The following KIR3DL3 variants were observed in gnomAD, a reference collection of about 807,000 sequenced individuals.
KIR3DL3 encodes killer cell immunoglobulin-like receptor 3DL3.
In KIR3DL3, 27 loss-of-function variants were observed where a neutral mutation model predicts 34.9. The ratio of observed to expected loss-of-function variants is 0.77; its 90% CI spans 0.57 to 1.07. The LOEUF (loss-of-function observed/expected upper bound fraction) is 1.07. Among genes scored for constraint, KIR3DL3 ranks in the 50% least tolerant of loss-of-function variants. The pLI, the probability that KIR3DL3 is intolerant of heterozygous loss-of-function variation, is 0.00. For missense variants in KIR3DL3, 681 were observed against 528.5 expected, an observed-to-expected ratio of 1.29 and a Z score of -2.83; for synonymous variants, 217 against 200.2, an observed-to-expected ratio of 1.08 and a Z score of -0.71.
rs28504993 is a variant in KIR3DL3, at chr19:54,735,982, A to G, written c.1119A>G (p.Glu373=). ...TTCCCTCCCTCCAGGACTCTGATGA[A>G]CAAGACCCTCAGGAGGTGACATACG... ...NRTVNREDSD[E]QDPQEVTYAQ... Residue 373 remains glutamate (E), a synonymous_variant, in exon 8 of 8, where the codon GAA becomes GAG. Transcript: ENST00000291860. 2 of 1,612,694 alleles carry G rather than the reference A, an allele frequency of 1.2e-6. No individual in the cohort carries two copies. The highest frequency in any genetic ancestry group is 4.5e-5 in the East Asian group (2 of 44,860).
At chr19:54,731,576 T>C (rs1462336947) in intron 5 of KIR3DL3, among the ~76,000 whole-genome samples, 55 of 152,120 alleles carry the variant, frequency 3.6e-4, no homozygotes, top group African/African-American at 1.3e-3. Context: ...GAAAACATGT[T>C]TTTCTTAATT....
rs769023106 is a variant in KIR3DL3, at chr19:54,727,741, G to A, written c.486G>A (p.Glu162=). ...RFLLHREGIT[E]DPLRLVGQLH... ...TTCTGCACAGAGAGGGGATCACTGAGGACCCCTTGCGCCTCGTTGGACAGC... is the reference window on the plus strand; with the variant it reads ...TTCTGCACAGAGAGGGGATCACTGAAGACCCCTTGCGCCTCGTTGGACAGC... The change falls in exon 4 of 8, where the codon GAG becomes GAA. Residue 162 remains glutamate (E), a synonymous_variant. Transcript: ENST00000291860. The A allele has an allele frequency of 9.3e-6, 15 of 1,613,032 alleles. No individual in the cohort carries two copies. Among genetic ancestry groups the A allele is most frequent in the Admixed American group, 6.7e-5 (4 of 59,854 alleles).
intron 5 of KIR3DL3, 59 bp from the exon 6 acceptor site, chr19:54,735,194 C>A (rs2069346461): frequency 4.8e-6 from 6 of 1,257,470 alleles, no homozygotes; most frequent in South Asian, 3.6e-5. Context: ...AAATGTGAGA[C>A]AATTCATATA....
chr19:54,729,033 A>T (rs1568830188), intron 4 of KIR3DL3, among the ~76,000 whole-genome samples: 1 of 149,282 alleles, frequency 6.7e-6, no homozygotes, highest in Admixed American at 6.8e-5. Context: ...AGATGGATAG[A>T]TGCATACATA....
chr19:54,733,174 A>G (rs1370438379), intron 5 of KIR3DL3, among the ~76,000 whole-genome samples: 3 of 152,090 alleles, frequency 2.0e-5, no homozygotes, highest in South Asian at 2.1e-4. Flanking sequence ...CTACATCTAA[A>G]TCAATACCTG....
intron 5 of KIR3DL3, among the ~76,000 whole-genome samples, chr19:54,732,242 G>GTTTTTTTTT (rs2068885361): frequency 6.3e-5 from 8 of 127,532 alleles, no homozygotes; most frequent in African/African-American, 2.0e-4. Context: ...TTGTGTGTGT[G>GTTTTTTTTT]TGTGTTTTTT....
rs751569195 is a variant in KIR3DL3, at chr19:54,727,900, C to T, written c.645C>T (p.Ile215=). 4.3e-6 allele frequency: 7 copies of T among 1,609,566 alleles called. No individual in the cohort carries two copies. The African/African-American group carries it at 6.7e-5, about 15-fold the overall frequency. The change falls in exon 4 of 8, where the codon ATC becomes ATT. Residue 215 remains isoleucine (I), a synonymous_variant. Coordinates refer to ENST00000291860, the MANE Select transcript of KIR3DL3 (RefSeq NM_153443.5). ...ELSAPSDPLD[I]VVVGLYGKPS... ...CGGCTCCCAGTGACCCTCTGGACATCGTGGTCGTAGGTGAGAGAATACAGA... is the reference window on the plus strand; with the variant it reads ...CGGCTCCCAGTGACCCTCTGGACATTGTGGTCGTAGGTGAGAGAATACAGA...
Position 54,726,277 on chromosome 19 carries a change from C to T in KIR3DL3, c.295C>T (p.His99Tyr). Residue 99 changes from histidine (H) to tyrosine (Y), a missense_variant, in exon 3 of 8, where the codon CAC (histidine) becomes TAC (tyrosine). Coordinates refer to ENST00000291860, the MANE Select transcript of KIR3DL3 (RefSeq NM_153443.5). ...AGGGACCTACAGATGTTGCAGTTCA[C>T]ACCCACACTCCCCCACTGGGTGGTC... is the stretch of plus-strand genomic sequence containing the variant. ...HAGTYRCCSS[H>Y]PHSPTGWSAP... is the part of the protein sequence containing the mutation. 2.5e-6 allele frequency: 4 copies of T among 1,613,962 alleles called. No individual in the cohort carries two copies. Among genetic ancestry groups the T allele is most frequent in the Non-Finnish European group, 3.4e-6 (4 of 1,179,978 alleles).
chr19:54,733,443 A>G (rs1359372161), intron 5 of KIR3DL3, among the ~76,000 whole-genome samples: 5 of 152,178 alleles, frequency 3.3e-5, no homozygotes, highest in African/African-American at 1.2e-4. Flanking sequence ...GAAGCAGAAG[A>G]ATGGCTTCAA....
intron 5 of KIR3DL3, among the ~76,000 whole-genome samples, chr19:54,734,861 G>A (rs1383590999): frequency 7.9e-6 from 1 of 127,188 alleles, no homozygotes; most frequent in East Asian, 2.0e-4. Flanking sequence ...GGGAGCGATG[G>A]AGCTTCCAAG....
At position 54,729,652 on chromosome 19, in the gene KIR3DL3, T is replaced by C; in HGVS notation, c.815T>C (p.Val272Ala). The C allele has an allele frequency of 6.3e-7, 1 of 1,599,418 alleles. No individual in the cohort carries two copies. The highest frequency in any genetic ancestry group is 8.5e-7 in the Non-Finnish European group (1 of 1,176,024). The change falls in exon 5 of 8, where the codon GTC becomes GCC. Residue 272 changes from valine to alanine, a missense_variant. Coordinates refer to ENST00000291860, the MANE Select transcript of KIR3DL3 (RefSeq NM_153443.5). ...CTTAGGCTCACTGCAGTGCTGAGGGTCAATGGAACATTCCAGGCCAACTTC... is the reference window on the plus strand; with the variant it reads ...CTTAGGCTCACTGCAGTGCTGAGGGCCAATGGAACATTCCAGGCCAACTTC... ...GELRLTAVLR[V>A]NGTFQANFPL...
intron 4 of KIR3DL3, 63 bp downstream of exon 4, chr19:54,727,973 G>C (rs1244989543): frequency 4.7e-6 from 7 of 1,497,374 alleles, no homozygotes; most frequent in Non-Finnish European, 6.3e-6. Flanking sequence ...TCTAGGACTG[G>C]AAGCCCCAGG....
intron 2 of KIR3DL3, among the ~76,000 whole-genome samples, chr19:54,725,527 G>A (rs970966285): frequency 7.9e-5 from 12 of 152,152 alleles, no homozygotes; most frequent in Non-Finnish European, 1.6e-4. Flanking sequence ...AGTGCTCAAA[G>A]GAGTGGTGTG....
chr19:54,736,287 C>A lies in KIR3DL3; in HGVS notation c.*191C>A, dbSNP rs1315437822. The A allele has an allele frequency of 3.9e-6, 3 of 760,578 alleles. No homozygotes were observed. The East Asian group carries it at 7.3e-5, about 18-fold the overall frequency. The allele number at this position is 760,578 out of a possible 1,614,324, so 47.1% of individuals were successfully genotyped here. A position where few individuals can be genotyped will look rare whatever the true frequency, so the allele number is the denominator to read the frequency against. ...CTTAGGGCATCGCTCTTCCTCACAC[C>A]ACGAATCTGAACATGCCTCTCTCTT... On this transcript the variant is annotated 3_prime_UTR_variant, in exon 8 of 8. Coordinates refer to ENST00000291860, the MANE Select transcript of KIR3DL3 (RefSeq NM_153443.5).
At chr19:54,732,533 A>G (rs2068929693) in intron 5 of KIR3DL3, among the ~76,000 whole-genome samples, 1 of 152,216 alleles carries the variant, frequency 6.6e-6, no homozygotes, top group Non-Finnish European at 1.5e-5. Context: ...CAAAGATTAC[A>G]GGCGAGAGCT....
chr19:54,729,508 C>T lies in KIR3DL3; in HGVS notation c.671C>T (p.Pro224Leu). 6.2e-7 allele frequency: 1 copy of T among 1,604,668 alleles called. No homozygotes were observed. Among genetic ancestry groups the T allele is most frequent in the Admixed American group, 1.7e-5 (1 of 58,810 alleles). Reference protein sequence around the residue: ...DIVVVGLYGKPSLSAQPGPTV... With the variant: ...DIVVVGLYGKLSLSAQPGPTV... ...CTTCTTCCAGGTCTATATGGGAAAC[C>T]TTCTCTCTCAGCCCAGCCGGGCCCC... Residue 224 changes from proline to leucine, a missense_variant, in exon 5 of 8, where the codon CCT becomes CTT. Pro to Leu is a moderately conservative substitution (Grantham distance 98). Coordinates refer to ENST00000291860, the MANE Select transcript of KIR3DL3 (RefSeq NM_153443.5).
intron 5 of KIR3DL3, among the ~76,000 whole-genome samples, chr19:54,730,612 T>TA (rs2146817617): frequency 6.6e-6 from 1 of 152,152 alleles, no homozygotes; most frequent in South Asian, 2.1e-4. Context: ...CTTTTTTTTT[T>TA]ACCCTCCACC....
rs753457635 is a variant in KIR3DL3 at position 54,726,288 on chromosome 19, C to T, written c.306C>T (p.Ser102=). 7.1e-5 allele frequency: 114 copies of T among 1,613,902 alleles called. No individual in the cohort carries two copies. Among genetic ancestry groups the T allele is most frequent in the Non-Finnish European group, 9.2e-5 (108 of 1,179,966 alleles). The change falls in exon 3 of 8, where the codon TCC becomes TCT. Residue 102 remains serine (S), a synonymous_variant. Coordinates refer to ENST00000291860, the MANE Select transcript of KIR3DL3 (RefSeq NM_153443.5). ...GATGTTGCAGTTCACACCCACACTCCCCCACTGGGTGGTCGGCACCCAGCA... is the reference window on the plus strand; with the variant it reads ...GATGTTGCAGTTCACACCCACACTCTCCCACTGGGTGGTCGGCACCCAGCA... ...TYRCCSSHPH[S]PTGWSAPSNP... is the part of the protein sequence containing the mutation.
intron 4 of KIR3DL3, among the ~76,000 whole-genome samples, chr19:54,728,963 C>A (rs2068492916): frequency 7.1e-6 from 1 of 141,214 alleles, no homozygotes; most frequent in South Asian, 2.4e-4. Flanking sequence ...AGTAGAAAGA[C>A]AGACAGATGA....
Sources: allele counts gnomAD v4.1 joint callset (sites outside exome capture counted in the v4.1 genomes callset), GRCh38; gene constraint gnomAD v4.1.1; transcripts MANE v1.5; gene names NCBI Gene and HGNC (gene_info 2026-07-23, HGNC 2026-07-21).